The following CDC40 variants were observed in gnomAD, a reference collection of about 807,000 sequenced individuals.
CDC40 encodes cell division cycle 40.
A neutral mutation model predicts 80.6 loss-of-function variants in CDC40; 27 were observed. The ratio of observed to expected loss-of-function variants is 0.33; its 90% CI spans 0.25 to 0.46. The LOEUF is 0.46. Ranked by LOEUF, CDC40 falls within the 20% of genes least tolerant of loss-of-function variation. CDC40 has a pLI of 1.00. For synonymous variants in CDC40, 221 were observed against 232.6 expected, an observed-to-expected ratio of 0.95 and a Z score of 0.45; for missense variants, 486 against 694.1, an observed-to-expected ratio of 0.70 and a Z score of 3.37.
intron 12 of CDC40, among the ~76,000 whole-genome samples, chr6:110,222,840 CATT>C (rs1461012422): frequency 1.3e-5 from 2 of 152,166 alleles, no homozygotes; most frequent in Non-Finnish European, 2.9e-5. Context: ...GTAAAGAAGT[CATT>C]ATTGGTGTAA....
chr6:110,187,927 C>T (rs181200296), intron 1 of CDC40, among the ~76,000 whole-genome samples: 3 of 152,282 alleles, frequency 2.0e-5, no homozygotes, highest in Admixed American at 2.0e-4. Flanking sequence ...TTGAATGCCT[C>T]ATGGGTATTA....
In CDC40 at chr6:110,186,755, A is replaced by G. The variant is rs141985117; in HGVS notation, c.189+6122A>G. On this transcript the variant is annotated intron_variant, in intron 1 of 14. Coordinates refer to ENST00000307731, the MANE Select transcript of CDC40 (RefSeq NM_015891.3). ...TGGTTTCATTCTTTAGTTTTATTATAGGATACACATGTGTAGATTTCTTTT... is the reference window on the plus strand; with the variant it reads ...TGGTTTCATTCTTTAGTTTTATTATGGGATACACATGTGTAGATTTCTTTT... Among the ~76,000 whole-genome samples, 5 of 152,292 alleles carry G rather than the reference A, an allele frequency of 3.3e-5. No individual in the cohort carries two copies. In the East Asian group the frequency reaches 9.6e-4, roughly 29 times the overall value.
intron 7 of CDC40, among the ~76,000 whole-genome samples, chr6:110,212,650 A>T (rs977882135): frequency 2.6e-5 from 4 of 152,202 alleles, no homozygotes; most frequent in Non-Finnish European, 5.9e-5. Context: ...TGGTTATCAC[A>T]CTTCAGAGAT....
intron 1 of CDC40, among the ~76,000 whole-genome samples, chr6:110,183,600 T>C (rs1777228039): frequency 1.3e-5 from 2 of 152,160 alleles, no homozygotes; most frequent in South Asian, 2.1e-4. Flanking sequence ...CTTGTTTATA[T>C]GAAGGGAAAA....
chr6:110,225,593 T>C (rs991420621), intron 12 of CDC40, among the ~76,000 whole-genome samples: 1 of 152,162 alleles, frequency 6.6e-6, no homozygotes, highest in Non-Finnish European at 1.5e-5. Context: ...AGCTCACAGA[T>C]CCCTACAGCT....
intron 2 of CDC40, among the ~76,000 whole-genome samples, chr6:110,194,852 ATAAC>A: frequency 6.6e-6 from 1 of 152,224 alleles, no homozygotes; most frequent in Non-Finnish European, 1.5e-5. Flanking sequence ...AATTTCATGC[ATAAC>A]TAATACATTG....
chr6:110,182,464 G>A (rs1470643945), intron 1 of CDC40, among the ~76,000 whole-genome samples: 1 of 152,088 alleles, frequency 6.6e-6, no homozygotes, highest in Non-Finnish European at 1.5e-5. Context: ...TTCCTATTTT[G>A]ATCTGTCATC....
intron 7 of CDC40, among the ~76,000 whole-genome samples, chr6:110,212,563 G>C (rs1355706851): frequency 6.6e-6 from 1 of 152,132 alleles, no homozygotes; most frequent in Non-Finnish European, 1.5e-5. Flanking sequence ...TTCCTTTTGG[G>C]CACCAAATCA....
chr6:110,223,914 C>G (rs1286412622), intron 12 of CDC40, among the ~76,000 whole-genome samples: 1 of 152,008 alleles, frequency 6.6e-6, no homozygotes, highest in East Asian at 1.9e-4. Context: ...CTCACTGCAA[C>G]CTCCACCTCC....
At chr6:110,211,383 T>C (rs1777635109) in intron 6 of CDC40, 2 of 152,188 alleles carry the variant, frequency 1.3e-5, no homozygotes, top group African/African-American at 4.8e-5. Context: ...TCTAAAACTG[T>C]AAAGAATAGC....
intron 1 of CDC40, 120 bp from the exon 2 acceptor site, chr6:110,193,062 C>T (rs1777372131): frequency 1.8e-6 from 1 of 550,516 alleles, no homozygotes; most frequent in South Asian, 3.2e-5. Context: ...AATTATTAAT[C>T]ATATGATAAG....
At chr6:110,227,009 T>TA (rs949659527) in intron 13 of CDC40, among the ~76,000 whole-genome samples, 83 of 145,926 alleles carry the variant, frequency 5.7e-4, no homozygotes, top group South Asian at 1.1e-3. Context: ...CCCTTCTCTC[T>TA]AAAAAAAAAA....
chr6:110,229,239 A>G (rs1200454121), intron 14 of CDC40, among the ~76,000 whole-genome samples: 2 of 152,146 alleles, frequency 1.3e-5, no homozygotes, highest in East Asian at 3.8e-4. Context: ...ATCCCTGTCT[A>G]TATAACCAAT....
chr6:110,192,279 C>T (rs1193475653), intron 1 of CDC40, among the ~76,000 whole-genome samples: 1 of 152,134 alleles, frequency 6.6e-6, no homozygotes, highest in Admixed American at 6.5e-5. Context: ...CAATAGAGGA[C>T]TTCAGAAGTG....
chr6:110,197,735 A>G (rs973840098), intron 2 of CDC40, among the ~76,000 whole-genome samples: 1 of 152,092 alleles, frequency 6.6e-6, no homozygotes, highest in Non-Finnish European at 1.5e-5. Flanking sequence ...CTCCAGGTTA[A>G]TCTATGCTGT....
chr6:110,217,610 T>A, intron 9 of CDC40, 92 bp from the exon 10 acceptor site: 1 of 713,338 alleles, frequency 1.4e-6, no homozygotes. Context: ...AACCACTGCT[T>A]AGTGCTGTTT....
chr6:110,212,175 T>C lies in CDC40; in HGVS notation c.770T>C (p.Ile257Thr). ...TATCAAGGCAGGTCCTATCTTCACA[T>C]ACCTCAGGATGTTGGTGTTAATCTA... Reference protein sequence around the residue: ...YDYQGRSYLHIPQDVGVNLRS... With the variant: ...YDYQGRSYLHTPQDVGVNLRS... Residue 257 changes from isoleucine to threonine, a missense_variant, in exon 7 of 15, where the codon ATA (isoleucine) becomes ACA (threonine). This residue lies in a region of CDC40 where 381 missense variants were observed against 492.1 expected (regional missense o/e 0.77). Coordinates refer to ENST00000307731, the MANE Select transcript of CDC40 (RefSeq NM_015891.3). The C allele has an allele frequency of 1.2e-6, 2 of 1,613,418 alleles. No homozygotes were observed. The highest frequency in any genetic ancestry group is 1.3e-5 in the African/African-American group (1 of 75,050).
Position 110,200,916 on chromosome 6 carries a change from T to C in CDC40, c.277-642T>C, listed in dbSNP as rs182284392. Among the ~76,000 whole-genome samples, 303 of 152,350 alleles carry C rather than the reference T, an allele frequency of 2.0e-3. 2 individuals carry two copies. Among genetic ancestry groups the C allele is most frequent in the African/African-American group, 7.1e-3 (294 of 41,592 alleles). On this transcript the variant is annotated intron_variant, in intron 2 of 14. Transcript: ENST00000307731. ...AAAAGTAATGTGACTCTTCATAGTG[T>C]GACTTCTCAGAGTGGAGATATTTTA...
At chr6:110,181,143 G>A (rs1268684892) in intron 1 of CDC40, among the ~76,000 whole-genome samples, 1 of 152,212 alleles carries the variant, frequency 6.6e-6, no homozygotes. Context: ...TGTGAAAATT[G>A]AGTGAAATTA....
Sources: allele counts gnomAD v4.1 joint callset (sites outside exome capture counted in the v4.1 genomes callset), GRCh38; gene constraint gnomAD v4.1.1; regional missense constraint gnomAD v4.1.1; transcripts MANE v1.5; gene names NCBI Gene and HGNC (gene_info 2026-07-23, HGNC 2026-07-21).